NECTIN3: variants seen among roughly 807,000 people sequenced by gnomAD.
NECTIN3 encodes nectin-3.
NECTIN3 carries 8 observed loss-of-function variants against 49.4 expected under a neutral mutation model. The observed-to-expected ratio is 0.16, with a 90% CI of 0.10 to 0.29. NECTIN3 has a LOEUF of 0.29. NECTIN3 is among the 10% of genes least tolerant of loss of function. The pLI is 1.00. For missense variants in NECTIN3, 581 were observed against 654.6 expected (o/e 0.89, Z 1.23); for synonymous variants, 277 against 241.1 (o/e 1.15, Z -1.38).
rs1357843369 is a variant in NECTIN3 at position 111,072,170 on chromosome 3, G to A, written c.153G>A (p.Arg51=). 1.3e-6 allele frequency: 2 copies of A among 1,555,360 alleles called. No homozygotes were observed. Among genetic ancestry groups the A allele is most frequent in the Non-Finnish European group, 1.7e-6 (2 of 1,151,218 alleles). ...TCTTCCCGCTGCTGCTCTTCTCCAGGCTCTGTGGTAGGTGAACCTCGGCGG... is the reference window on the plus strand; with the variant it reads ...TCTTCCCGCTGCTGCTCTTCTCCAGACTCTGTGGTAGGTGAACCTCGGCGG... ...LLLFPLLLFS[R]LCGALAGPII... is the part of the protein sequence containing the mutation. Residue 51 remains arginine, a synonymous_variant, in exon 1 of 6, where the codon AGG becomes AGA. Coordinates refer to ENST00000485303, the MANE Select transcript of NECTIN3 (RefSeq NM_015480.3).
In NECTIN3 at chr3:111,152,188, A is replaced by T. The variant is rs191363549; in HGVS notation, c.1221+4704A>T. On this transcript the variant is annotated intron_variant, in intron 7 of 8. Transcript: ENST00000493615. ...ATTTTAATAAACCAATAATGCTGTA[A>T]TGAATTGCCTGGTATATATGCTCTT... Among the ~76,000 whole-genome samples, 30 of 152,026 alleles carry T rather than the reference A, an allele frequency of 2.0e-4. No homozygotes were observed. In the East Asian group the frequency reaches 5.4e-3, roughly 27 times the overall value.
chr3:111,188,883 CA>C (rs541717643), upstream of NECTIN3, among the ~76,000 whole-genome samples: 110 of 152,226 alleles, frequency 7.2e-4, 2 homozygotes, highest in Middle Eastern at 3.4e-3. Flanking sequence ...AAGCACAGAA[CA>C]GCACATCTTC....
chr3:111,187,366 A>G (rs2035739734), upstream of NECTIN3, among the ~76,000 whole-genome samples: 2 of 151,926 alleles, frequency 1.3e-5, no homozygotes, highest in Non-Finnish European at 2.9e-5. Context: ...TTGTACCACT[A>G]CTCTCCAGCC....
chr3:111,094,265 A>T (rs148999603), intron 1 of NECTIN3, among the ~76,000 whole-genome samples: 1 of 152,246 alleles, frequency 6.6e-6, no homozygotes, highest in East Asian at 1.9e-4. Context: ...TATTTACTAT[A>T]CTCTTATACT....
At chr3:111,082,827 G>A (rs2031699702) in intron 1 of NECTIN3, among the ~76,000 whole-genome samples, 1 of 152,188 alleles carries the variant, frequency 6.6e-6, no homozygotes, top group Non-Finnish European at 1.5e-5. Context: ...GGAGCCCAGA[G>A]CTTGTTTTCC....
At chr3:111,156,751 A>G (rs1014562157) in intron 7 of NECTIN3, among the ~76,000 whole-genome samples, 1 of 152,090 alleles carries the variant, frequency 6.6e-6, no homozygotes, top group African/African-American at 2.4e-5. Context: ...AGGCATGATA[A>G]TAGACACAGT....
At chr3:111,182,347 T>C (rs566937658) in intron 7 of NECTIN3, among the ~76,000 whole-genome samples, 2 of 152,244 alleles carry the variant, frequency 1.3e-5, no homozygotes, top group East Asian at 3.9e-4. Flanking sequence ...TAGGTCAAGT[T>C]GGTTGATAGT....
At chr3:111,132,957 C>CT (rs1190205583) in intron 5 of NECTIN3, among the ~76,000 whole-genome samples, 1 of 151,650 alleles carries the variant, frequency 6.6e-6, no homozygotes, top group African/African-American at 2.4e-5. Flanking sequence ...TAAACATATG[C>CT]TTTTTTATTT....
chr3:111,175,037 C>T (rs6796451), intron 7 of NECTIN3, among the ~76,000 whole-genome samples: 9,376 of 151,888 alleles, frequency 0.062, 660 homozygotes, highest in East Asian at 0.23. Context: ...GAGCTGGCAG[C>T]GGGGATGGAG....
rs1381104875 is a variant in NECTIN3 at position 111,171,535 on chromosome 3, A to T, written c.1222-20816A>T. On this transcript the variant is annotated intron_variant, in intron 7 of 8. Coordinates refer to the NECTIN3 transcript ENST00000493615. ...GTTATGTTATTCCACAGCCTCTGGGATTGTACCCAGAAGATGCTCACCTTC... is the reference window on the plus strand; with the variant it reads ...GTTATGTTATTCCACAGCCTCTGGGTTTGTACCCAGAAGATGCTCACCTTC... 2.6e-5 allele frequency among the ~76,000 whole-genome samples: 4 copies of T among 152,184 alleles called. No individual in the cohort carries two copies. The South Asian group carries it at 8.3e-4, about 31-fold the overall frequency.
chr3:111,192,243 A>T, upstream of NECTIN3: 1 of 991,104 alleles, frequency 1.0e-6, no homozygotes, highest in Non-Finnish European at 1.5e-6. Context: ...CTTAGTTGGT[A>T]GACATTTATA....
intron 7 of NECTIN3, among the ~76,000 whole-genome samples, chr3:111,167,839 A>G (rs1265855832): frequency 6.6e-6 from 1 of 152,184 alleles, no homozygotes; most frequent in East Asian, 1.9e-4. Flanking sequence ...TCACAACAAA[A>G]AGATTAGGAC....
At chr3:111,072,665 C>T (rs1380193263) in intron 1 of NECTIN3, 1 of 1,297,830 alleles carries the variant, frequency 7.7e-7, no homozygotes, top group South Asian at 1.3e-5. Flanking sequence ...CCATTTTAGC[C>T]CACCCAGCCG....
At chr3:111,174,355 A>G (rs1316032043) in intron 7 of NECTIN3, among the ~76,000 whole-genome samples, 1 of 152,204 alleles carries the variant, frequency 6.6e-6, no homozygotes, top group African/African-American at 2.4e-5. Flanking sequence ...AGTGTTATTT[A>G]TAATCATTTT....
At chr3:111,107,528 G>C (rs1275583654) in intron 1 of NECTIN3, among the ~76,000 whole-genome samples, 1 of 152,050 alleles carries the variant, frequency 6.6e-6, no homozygotes, top group Non-Finnish European at 1.5e-5. Flanking sequence ...TGCTAGATGT[G>C]GAAGATTCAA....
intron 1 of NECTIN3, among the ~76,000 whole-genome samples, chr3:111,104,612 C>T (rs773715714): frequency 1.3e-5 from 2 of 152,058 alleles, no homozygotes; most frequent in Non-Finnish European, 2.9e-5. Context: ...TGAGCCACTG[C>T]ACCCGACCTC....
intron 1 of NECTIN3, among the ~76,000 whole-genome samples, chr3:111,082,710 G>A (rs551552126): frequency 1.8e-4 from 28 of 152,242 alleles, no homozygotes; most frequent in Non-Finnish European, 2.2e-4. Context: ...GAATGGTTTT[G>A]GGATGATTGA....
At chr3:111,127,898 A>G (rs935063257) in intron 5 of NECTIN3, among the ~76,000 whole-genome samples, 2 of 152,124 alleles carry the variant, frequency 1.3e-5, no homozygotes, top group Admixed American at 6.6e-5. Flanking sequence ...ATATTAGTAT[A>G]TTACTCTCTC....
At chr3:111,133,483 A>G (rs777976519) in intron 5 of NECTIN3, 152 bp from the exon 6 acceptor site, 138 of 1,183,242 alleles carry the variant, frequency 1.2e-4, no homozygotes, top group Non-Finnish European at 1.5e-4. Flanking sequence ...GTACCACTAC[A>G]TTCTAATCTT....
Sources: gnomAD v4.1 joint callset for allele counts (sites outside exome capture counted in the v4.1 genomes callset) on GRCh38, gnomAD v4.1.1 for gene constraint, MANE v1.5 for transcripts, NCBI Gene and HGNC (gene_info 2026-07-23, HGNC 2026-07-21) for gene names.